The following DSE variants were observed in gnomAD, a reference collection of about 807,000 sequenced individuals.
The protein encoded by DSE is dermatan-sulfate epimerase.
In DSE, 36 loss-of-function variants were observed where a neutral mutation model predicts 84.4. That is an observed-to-expected ratio of 0.43 (90% CI 0.33 to 0.56). DSE has a LOEUF of 0.56. DSE is among the 20% of genes least tolerant of loss of function. The pLI is 0.06. For missense variants in DSE, 862 were observed against 1,169.6 expected, an observed-to-expected ratio of 0.74 and a Z score of 3.84; for synonymous variants, 410 against 430.1, an observed-to-expected ratio of 0.95 and a Z score of 0.58.
chr6:116,406,158 C>A (rs1248922420), intron 2 of DSE, among the ~76,000 whole-genome samples: 3 of 152,186 alleles, frequency 2.0e-5, no homozygotes, highest in Non-Finnish European at 2.9e-5. Context: ...GGGTGACTCA[C>A]TTGCTCGCCT....
At chr6:116,427,872 A>G (rs1309414434) in intron 3 of DSE, among the ~76,000 whole-genome samples, 2 of 152,050 alleles carry the variant, frequency 1.3e-5, no homozygotes, top group East Asian at 1.9e-4. Flanking sequence ...CTTGTCCCCT[A>G]CTCTCACAAA....
chr6:116,315,280 C>G (rs1394591044), intron 2 of DSE, among the ~76,000 whole-genome samples: 1 of 152,006 alleles, frequency 6.6e-6, no homozygotes, highest in African/African-American at 2.4e-5. Flanking sequence ...CATACTCTCT[C>G]AATTCTCTCT....
intron 4 of DSE, chr6:116,433,019 C>T (rs1054475812): frequency 6.8e-6 from 2 of 295,584 alleles, no homozygotes; most frequent in Non-Finnish European, 1.3e-5. Context: ...AAGAGGATGT[C>T]CCATGTATAT....
At chr6:116,377,831 T>G (rs1406267530) in intron 1 of DSE, among the ~76,000 whole-genome samples, 1 of 152,180 alleles carries the variant, frequency 6.6e-6, no homozygotes, top group East Asian at 1.9e-4. Flanking sequence ...CTGACTAAAC[T>G]TTTATTCTTG....
intron 2 of DSE, among the ~76,000 whole-genome samples, chr6:116,335,782 G>T (rs1412493438): frequency 6.6e-6 from 1 of 152,216 alleles, no homozygotes; most frequent in Non-Finnish European, 1.5e-5. Context: ...CACTTTTCTT[G>T]TAAGAGTTAA....
At chr6:116,258,626 G>A (rs778452325) in exon 2 of DSE, 28 of 1,612,320 alleles carry the variant, frequency 1.7e-5, no homozygotes, top group Admixed American at 1.0e-4. Flanking sequence ...TTAATGTTCC[G>A]GAAGGCAGCC....
intron 2 of DSE, among the ~76,000 whole-genome samples, chr6:116,316,826 C>CTACTACTATTATTATTAT (rs59889768): frequency 6.2e-5 from 9 of 145,868 alleles, no homozygotes; most frequent in South Asian, 2.2e-4. Flanking sequence ...ACTACTACTA[C>CTACTACTATTATTATTAT]TATTATTATT....
In DSE at chr6:116,439,927, G is replaced by C. The variant is rs1784374062; in HGVS notation, c.*2582G>C. 6.6e-6 allele frequency: 1 copy of C among 150,966 alleles called. No individual in the cohort carries two copies. 9.4% of individuals were successfully genotyped at this position (150,966 alleles called of 1,614,324 possible). A position where few individuals can be genotyped will look rare whatever the true frequency, so the allele number is the denominator to read the frequency against. ...ACTGCACTCCAGCCTTGGAGACAGA[G>C]TGAGACCGTGTTTCTCTCTTTTTTT... On this transcript the variant is annotated 3_prime_UTR_variant, in exon 6 of 6. Coordinates refer to ENST00000644252, the MANE Select transcript of DSE (RefSeq NM_013352.4).
intron 2 of DSE, among the ~76,000 whole-genome samples, chr6:116,355,010 C>T (rs1352269044): frequency 6.6e-6 from 1 of 152,164 alleles, no homozygotes; most frequent in Non-Finnish European, 1.5e-5. Flanking sequence ...CACATTTTTA[C>T]ATAGACACAT....
At chr6:116,286,566 A>T (rs1235975152) in intron 2 of DSE, among the ~76,000 whole-genome samples, 1 of 152,178 alleles carries the variant, frequency 6.6e-6, no homozygotes, top group South Asian at 2.1e-4. Context: ...AAATTTATAG[A>T]TAATATAACC....
In DSE at chr6:116,435,679, G is replaced by A; in HGVS notation, c.1211G>A (p.Ser404Asn). Residue 404 changes from serine (S) to asparagine (N), a missense_variant, in exon 6 of 6, where the codon AGT (serine) becomes AAT (asparagine). Around this residue, in one of 4 missense-constraint regions of DSE, gnomAD observed 309 missense variants for 516.9 expected, o/e 0.60. Transcript: ENST00000644252. ...GACTGGGGTGTCGTGACTTATGGAA[G>A]TGCACTACCTGCAGAAATCAATAGA... ...FEDWGVVTYG[S>N]ALPAEINRSF... 6.2e-7 allele frequency: 1 copy of A among 1,614,124 alleles called. No individual in the cohort carries two copies. Among genetic ancestry groups the A allele is most frequent in the Non-Finnish European group, 8.5e-7 (1 of 1,179,992 alleles).
chr6:116,399,586 C>G lies in DSE; in HGVS notation c.336C>G (p.Phe112Leu). 1 of 1,614,240 alleles carries G rather than the reference C, an allele frequency of 6.2e-7. No homozygotes were observed. The highest frequency in any genetic ancestry group is 8.5e-7 in the Non-Finnish European group (1 of 1,180,054). Residue 112 changes from phenylalanine (F) to leucine (L), a missense_variant, in exon 2 of 6, where the codon TTC (phenylalanine) becomes TTG (leucine). This residue lies in a region of DSE where 309 missense variants were observed against 516.9 expected (regional missense o/e 0.60). Coordinates refer to ENST00000644252, the MANE Select transcript of DSE (RefSeq NM_013352.4). ...ACAACTTGGGTGCCTTGGCAATGTT[C>G]TGTGTGCTGTATCCTGAGAACATTG... The part of the protein sequence containing the change: ...FGNNLGALAM[F>L]CVLYPENIEA...
rs150006874 is a variant in DSE at position 116,426,757 on chromosome 6, A to G, written c.600A>G (p.Gln200=). The change falls in exon 3 of 6, where the codon CAA becomes CAG. Residue 200 remains glutamine, a synonymous_variant. Coordinates refer to ENST00000644252, the MANE Select transcript of DSE (RefSeq NM_013352.4). ...CATACAGGAGAGGATGGGGATTTCA[A>G]TACCTGCACAATCATCAGCCCACCA... The part of the protein sequence containing the change: ...ETSYRRGWGF[Q]YLHNHQPTNC... 9.3e-6 allele frequency: 15 copies of G among 1,614,080 alleles called. No homozygotes were observed. The African/African-American group carries it at 1.2e-4, about 13-fold the overall frequency.
intron 2 of DSE, among the ~76,000 whole-genome samples, chr6:116,259,597 C>A (rs1480223804): frequency 6.6e-6 from 1 of 152,096 alleles, no homozygotes; most frequent in Non-Finnish European, 1.5e-5. Context: ...ATTTCATCAC[C>A]CAGATATTAA....
At chr6:116,263,734 T>C (rs997288981) in intron 2 of DSE, among the ~76,000 whole-genome samples, 1 of 152,200 alleles carries the variant, frequency 6.6e-6, no homozygotes, top group Admixed American at 6.5e-5. Context: ...TTTGTAGTGG[T>C]CAGTAATGAT....
intron 2 of DSE, among the ~76,000 whole-genome samples, chr6:116,361,292 C>T (rs1778870224): frequency 6.6e-6 from 1 of 152,110 alleles, no homozygotes; most frequent in Non-Finnish European, 1.5e-5. Flanking sequence ...AACTCCTGAC[C>T]TTGTGATCTG....
intron 2 of DSE, among the ~76,000 whole-genome samples, chr6:116,324,560 G>A (rs79884176): frequency 0.041 from 6,179 of 152,232 alleles, 445 homozygotes; most frequent in African/African-American, 0.14. Flanking sequence ...TAGTTGCAGC[G>A]TACGTAGCTT....
intron 4 of DSE, chr6:116,432,385 TG>T (rs1415951252): frequency 6.6e-6 from 1 of 152,210 alleles, no homozygotes; most frequent in Non-Finnish European, 1.5e-5. Flanking sequence ...TGCCAGGCAC[TG>T]TAGTAGGCAG....
At chr6:116,432,959 A>G (rs532332378) in intron 4 of DSE, 1 of 197,620 alleles carries the variant, frequency 5.1e-6, no homozygotes, top group Non-Finnish European at 1.0e-5. Context: ...ATGCATGTTG[A>G]GTTGTGGGAG....
Sources: allele counts gnomAD v4.1 joint callset (sites outside exome capture counted in the v4.1 genomes callset), GRCh38; gene constraint gnomAD v4.1.1; regional missense constraint gnomAD v4.1.1; transcripts MANE v1.5; gene names NCBI Gene and HGNC (gene_info 2026-07-23, HGNC 2026-07-21).